The following DST variants were observed in gnomAD, a reference collection of about 807,000 sequenced individuals.
DST encodes bullous pemphigoid antigen.
In DST, 253 loss-of-function variants were observed where a neutral mutation model predicts 875.2. That is an observed-to-expected ratio of 0.29 (90% CI 0.26 to 0.32). DST has a LOEUF of 0.32. Among genes scored for constraint, DST ranks in the 10% least tolerant of loss-of-function variants. The pLI is 1.00. For missense variants in DST, 8,287 were observed against 9,111.6 expected, an observed-to-expected ratio of 0.91 and a Z score of 3.68; for synonymous variants, 3,124 against 3,197.1, an observed-to-expected ratio of 0.98 and a Z score of 0.77.
chr6:56,666,281 A>T (rs751942086), intron 10 of DST, among the ~76,000 whole-genome samples: 2 of 152,194 alleles, frequency 1.3e-5, no homozygotes, highest in Non-Finnish European at 2.9e-5. Flanking sequence ...TTAATAACTT[A>T]TAACAGTATA....
In DST at chr6:56,614,341, G is replaced by A; in HGVS notation, c.5058+15C>T. ...GCTATTATTATTATTATTAAACCAGGACTTCTGTGAATACCTTTTGCTTAG... is the reference window on the plus strand; with the variant it reads ...GCTATTATTATTATTATTAAACCAGAACTTCTGTGAATACCTTTTGCTTAG... On this transcript the variant is annotated intron_variant, in intron 37 of 103. Transcript: ENST00000680361. 6.3e-7 allele frequency: 1 copy of A among 1,584,714 alleles called. No individual in the cohort carries two copies. Among genetic ancestry groups the A allele is most frequent in the Non-Finnish European group, 8.6e-7 (1 of 1,166,548 alleles).
At chr6:56,871,276 C>T in intron 3 of DST, 2 of 782,128 alleles carry the variant, frequency 2.6e-6, no homozygotes, top group Non-Finnish European at 4.7e-6. Flanking sequence ...TTTAAGAACA[C>T]TCGTGAAACT....
At chr6:56,484,399 T>C (rs2095496852) in intron 88 of DST, 1 of 151,910 alleles carries the variant, frequency 6.6e-6, no homozygotes, top group Non-Finnish European at 1.5e-5. Context: ...GGTATAATGA[T>C]AGAATAGAAA....
At chr6:56,951,849 T>C (rs992002989) in intron 2 of DST, among the ~76,000 whole-genome samples, 5 of 152,218 alleles carry the variant, frequency 3.3e-5, no homozygotes, top group African/African-American at 1.2e-4. Context: ...AAAGATCCAG[T>C]AAGAGTTGAG....
At chr6:56,912,115 T>C (rs1799021374) in intron 2 of DST, among the ~76,000 whole-genome samples, 4 of 152,312 alleles carry the variant, frequency 2.6e-5, no homozygotes, top group Admixed American at 2.6e-4. Flanking sequence ...GAAATATTCA[T>C]GTATCCTTTG....
At chr6:56,529,041 C>A in intron 66 of DST, 116 bp from the exon 67 acceptor site, 2 of 725,848 alleles carry the variant, frequency 2.8e-6, no homozygotes, top group South Asian at 3.4e-5. Context: ...GAGTAAATAT[C>A]TCACATTTTC....
At chr6:56,733,009 T>C (rs1010969996) in intron 5 of DST, among the ~76,000 whole-genome samples, 1 of 152,160 alleles carries the variant, frequency 6.6e-6, no homozygotes, top group Non-Finnish European at 1.5e-5. Context: ...AAAACTAACT[T>C]TGAGGTCCAA....
chr6:56,554,163 C>T (rs917337934), intron 60 of DST, among the ~76,000 whole-genome samples: 5 of 142,846 alleles, frequency 3.5e-5, no homozygotes, highest in Admixed American at 1.5e-4. Flanking sequence ...CAGCTCACTG[C>T]AAGCTCCTCC....
At chr6:56,760,314 C>T (rs2099614275) in intron 4 of DST, among the ~76,000 whole-genome samples, 1 of 152,066 alleles carries the variant, frequency 6.6e-6, no homozygotes, top group South Asian at 2.1e-4. Context: ...TAAAATACAC[C>T]TTTTAATGTA....
At position 56,477,358 on chromosome 6, in the gene DST, G is replaced by A. The variant is rs376556021; in HGVS notation, c.21662C>T (p.Ala7221Val). 3.2e-5 allele frequency: 51 copies of A among 1,613,618 alleles called. No homozygotes were observed. The highest frequency in any genetic ancestry group is 4.0e-5 in the Non-Finnish European group (47 of 1,179,804). Residue 7221 changes from alanine (A) to valine (V), a missense_variant, in exon 91 of 104, where the codon GCG becomes GTG. Physicochemically the swap from Ala to Val is moderately conservative, Grantham distance 64. Around this residue, in one of 10 missense-constraint regions of DST, gnomAD observed 1,292 missense variants for 1,552.7 expected, o/e 0.83. Coordinates refer to ENST00000680361, the MANE Select transcript of DST (RefSeq NM_001374736.1). ...AGACACACTGACCTCCTCAAACCTC[G>A]CCCGGATGATTGTTATCCAGTGCTT... Reference protein sequence around the residue: ...TIKHWITIIRARFEEVLAWAK... With the variant: ...TIKHWITIIRVRFEEVLAWAK...
rs555704557 is a variant in DST, at chr6:56,554,073, CTTTTTTTTTTTT to C, written c.15137-430_15137-419del. On this transcript the variant is annotated intron_variant, in intron 60 of 103. Transcript: ENST00000680361. ...AAATATGACTTTTTCGCGTCTATGA[CTTTTTTTTTTTT>C]TTTTTTTTTTTTTTTTTGAGGCAGA... 1.1e-3 allele frequency among the ~76,000 whole-genome samples: 92 copies of C among 80,820 alleles called. 2 individuals carry two copies. Among genetic ancestry groups the C allele is most frequent in the South Asian group, 5.1e-3 (12 of 2,366 alleles). 53.0% of individuals were successfully genotyped at this position (80,820 alleles called of 152,430 possible).
At chr6:56,908,651 G>A (rs977882366) in intron 2 of DST, among the ~76,000 whole-genome samples, 1 of 152,214 alleles carries the variant, frequency 6.6e-6, no homozygotes, top group Non-Finnish European at 1.5e-5. Context: ...CTACTGGGCT[G>A]CATTCCCAGA....
chr6:56,696,615 C>T (rs2099265611), intron 9 of DST, among the ~76,000 whole-genome samples: 1 of 152,164 alleles, frequency 6.6e-6, no homozygotes, highest in Admixed American at 6.5e-5. Context: ...GCTTCTACCT[C>T]CCAACCCTTT....
At chr6:56,928,934 G>T (rs1361393833) in intron 2 of DST, among the ~76,000 whole-genome samples, 1 of 151,960 alleles carries the variant, frequency 6.6e-6, no homozygotes, top group Non-Finnish European at 1.5e-5. Flanking sequence ...TATACCTACT[G>T]ATAGGAAAAC....
At chr6:56,644,106 C>T (rs1445475406) in intron 15 of DST, among the ~76,000 whole-genome samples, 2 of 152,156 alleles carry the variant, frequency 1.3e-5, no homozygotes, top group Admixed American at 6.5e-5. Context: ...CCACTCTCTG[C>T]TTTCTTTTAT....
intron 2 of DST, among the ~76,000 whole-genome samples, chr6:56,948,450 G>A (rs1820763597): frequency 1.3e-5 from 2 of 152,170 alleles, no homozygotes; most frequent in African/African-American, 4.8e-5. Context: ...TAGACTAAGG[G>A]ATGATTCACA....
chr6:56,877,326 G>A (rs1780029863), intron 3 of DST, among the ~76,000 whole-genome samples: 1 of 152,164 alleles, frequency 6.6e-6, no homozygotes, highest in Non-Finnish European at 1.5e-5. Context: ...GGCCGAGGTG[G>A]GCAGATTACT....
chr6:56,609,008 CA>C lies in DST; in HGVS notation c.5619del (p.Glu1874ArgfsTer18). The C allele has an allele frequency of 6.2e-7, 1 of 1,613,872 alleles. No homozygotes were observed. The highest frequency in any genetic ancestry group is 1.1e-5 in the South Asian group (1 of 91,080). ...MITESMAIKV[L>X]EILLSTGSLV... The stretch of plus-strand genomic sequence containing the variant: ...AGAGAGCCTGTAGAAAGCAGTATCT[CA>C]AGAACTTTGATGGCCATGGATTCTG... On this transcript the variant is annotated frameshift_variant, in exon 40 of 104. Transcript: ENST00000680361. LOFTEE classifies it high-confidence loss of function.
intron 13 of DST, among the ~76,000 whole-genome samples, chr6:56,647,494 A>G (rs1280361952): frequency 6.6e-6 from 1 of 152,190 alleles, no homozygotes; most frequent in Non-Finnish European, 1.5e-5. Flanking sequence ...ACCCTAGGTT[A>G]TTACAGTTTT....
Sources: gnomAD v4.1 joint callset for allele counts (sites outside exome capture counted in the v4.1 genomes callset) on GRCh38, gnomAD v4.1.1 for gene constraint, gnomAD v4.1.1 regional missense constraint, MANE v1.5 for transcripts, NCBI Gene and HGNC (gene_info 2026-07-23, HGNC 2026-07-21) for gene names.